TMEM223: variants seen among roughly 807,000 people sequenced by gnomAD.
TMEM223 encodes the protein transmembrane protein 223.
A neutral mutation model predicts 14.1 loss-of-function variants in TMEM223; 14 were observed. The ratio of observed to expected loss-of-function variants is 0.99; its 90% confidence interval spans 0.66 to 1.55. TMEM223 has a LOEUF of 1.55. Among genes scored for constraint, TMEM223 ranks in the 40% most tolerant of loss-of-function variants. The pLI, the probability that TMEM223 is intolerant of heterozygous loss-of-function variation, is 0.00. For missense variants in TMEM223, 346 were observed against 269.9 expected, an observed-to-expected ratio of 1.28 and a Z score of -1.97; for synonymous variants, 145 against 120.5, an observed-to-expected ratio of 1.20 and a Z score of -1.33.
chr11:62,786,920 G>A (rs907890241), downstream of TMEM223: 1 of 1,493,128 alleles, frequency 6.7e-7, no homozygotes, highest in Non-Finnish European at 8.8e-7. Flanking sequence ...AGCCCGCACG[G>A]CGACGAGAGC....
At chr11:62,788,354 G>C (rs1030622874), downstream of TMEM223, among the ~76,000 whole-genome samples, 1 of 152,064 alleles carries the variant, frequency 6.6e-6, no homozygotes, top group Admixed American at 6.6e-5. Flanking sequence ...AGTGAGTCGA[G>C]ATCGTGCCAT....
chr11:62,789,092 C>G, downstream of TMEM223: 1 of 1,614,194 alleles, frequency 6.2e-7, no homozygotes, highest in Non-Finnish European at 8.5e-7. Context: ...GGCCTTATCC[C>G]GTCCCTCAGC....
chr11:62,787,439 T>A (rs1052852623), downstream of TMEM223: 2 of 1,565,512 alleles, frequency 1.3e-6, no homozygotes, highest in African/African-American at 2.7e-5. Flanking sequence ...GCCATGGCGC[T>A]GTCCTGGCTG....
Position 62,779,002 on chromosome 11 carries a change from T to C in TMEM223, c.315-4337A>G, listed in dbSNP as rs142864408. On this transcript the variant is annotated intron_variant, in intron 1 of 2. Transcript: ENST00000528367. ...CCCAAGTTGGGGCACAAAGTTGAAA[T>C]TGTAAATTCTAGACCTGTTTTTTTT... 595 of 1,555,826 alleles carry C rather than the reference T, an allele frequency of 3.8e-4. 2 individuals are homozygous for C. Among genetic ancestry groups the C allele is most frequent in the African/African-American group, 3.6e-3 (266 of 73,524 alleles).
chr11:62,775,553 C>G (rs2084179973), intron 1 of TMEM223: 2 of 514,396 alleles, frequency 3.9e-6, no homozygotes, highest in Non-Finnish European at 6.9e-6. Flanking sequence ...GTTCTGTGAA[C>G]CCCAACACTT....
At chr11:62,779,060 G>A (rs2134708699) in intron 1 of TMEM223, 9 of 1,047,688 alleles carry the variant, frequency 8.6e-6, no homozygotes, top group South Asian at 1.4e-5. Flanking sequence ...CGCTCTTGTT[G>A]CCCAGGCTGG....
chr11:62,778,472 G>A (rs770940890), intron 1 of TMEM223: 37 of 1,031,350 alleles, frequency 3.6e-5, no homozygotes, highest in South Asian at 2.2e-4. Context: ...CTGAGTGGGC[G>A]CTGGGCTCTG....
At position 62,791,953 on chromosome 11, in the gene TMEM223, G is replaced by C. The variant is rs765532603; in HGVS notation, c.42C>G (p.Ala14=). 1.9e-6 allele frequency: 3 copies of C among 1,582,768 alleles called. No individual in the cohort carries two copies. The highest frequency in any genetic ancestry group is 2.6e-6 in the Non-Finnish European group (3 of 1,164,058). Residue 14 remains alanine (A), a synonymous_variant, in exon 1 of 2, where the codon GCC becomes GCG. Transcript: ENST00000307366. ...PWRRWPTGLL[A]VLRPLLTCRP... is the part of the protein sequence containing the mutation. Reference sequence around the variant, plus strand: ...GGCAGGTGAGCAGGGGCCGCAGCACGGCTAGCAGCCCCGTGGGCCATCGCC... The same window carrying C: ...GGCAGGTGAGCAGGGGCCGCAGCACCGCTAGCAGCCCCGTGGGCCATCGCC...
At position 62,773,365 on chromosome 11, in the gene TMEM223, C is replaced by T. The variant is rs559228645; in HGVS notation, c.385+1230G>A. Among the ~76,000 whole-genome samples the T allele has an allele frequency of 5.7e-4, 86 of 151,930 alleles. 1 individual carries two copies. Among genetic ancestry groups the T allele is most frequent in the African/African-American group, 1.8e-3 (75 of 41,416 alleles). On this transcript the variant is annotated intron_variant, in intron 2 of 2. Coordinates refer to the TMEM223 transcript ENST00000528367. The stretch of plus-strand genomic sequence containing the variant: ...GTTTCACCATATTGTCCAGGCTGGT[C>T]TAGAACTCCTGACCTTGTGATCCAC...
intron 1 of TMEM223, chr11:62,778,525 C>T: frequency 8.9e-6 from 6 of 675,500 alleles, no homozygotes; most frequent in Non-Finnish European, 1.5e-5. Context: ...AGACCTGTAA[C>T]TAGTCATAAT....
downstream of TMEM223, chr11:62,789,410 T>C (rs776181636): frequency 6.2e-7 from 1 of 1,613,872 alleles, no homozygotes. Flanking sequence ...CATCATCTCC[T>C]TGAACACTAC....
At chr11:62,786,863 C>G, downstream of TMEM223, 2 of 1,590,052 alleles carry the variant, frequency 1.3e-6, no homozygotes, top group East Asian at 4.5e-5. Context: ...GCGGCAGCCC[C>G]GGACTCGGTG....
chr11:62,787,809 C>G, downstream of TMEM223: 1 of 676,708 alleles, frequency 1.5e-6, no homozygotes, highest in Non-Finnish European at 2.7e-6. Flanking sequence ...GCTGCACAGC[C>G]TTACTGTGGT....
downstream of TMEM223, among the ~76,000 whole-genome samples, chr11:62,785,309 A>C (rs1238852703): frequency 2.0e-5 from 3 of 151,164 alleles, no homozygotes; most frequent in Non-Finnish European, 2.9e-5. Context: ...CTCCTGCTTC[A>C]GCCTCCCGAG....
chr11:62,772,154 T>C lies in TMEM223; in HGVS notation c.386-22A>G, dbSNP rs199632254. The C allele has an allele frequency of 3.5e-5, 16 of 456,242 alleles. No individual in the cohort carries two copies. The East Asian group carries it at 1.1e-3, about 32-fold the overall frequency. 28.3% of individuals were successfully genotyped at this position (456,242 alleles called of 1,614,324 possible). A position where few individuals can be genotyped will look rare whatever the true frequency, so the allele number is the denominator to read the frequency against. On this transcript the variant is annotated intron_variant, in intron 2 of 2. Coordinates refer to the TMEM223 transcript ENST00000528367. ...TTGCCTGTGAAATAGACGAAATACA[T>C]AATAATATCTTATTATTGAGAATAT...
chr11:62,778,266 C>T (rs2084201912), intron 1 of TMEM223: 1 of 1,614,150 alleles, frequency 6.2e-7, no homozygotes, highest in Admixed American at 1.7e-5. Context: ...GCTGACACAT[C>T]TCTCTGCACT....
chr11:62,778,929 G>A (rs1363487583), intron 1 of TMEM223: 3 of 1,613,936 alleles, frequency 1.9e-6, no homozygotes, highest in Non-Finnish European at 2.5e-6. Flanking sequence ...CAGGTGACTC[G>A]TGCTGTGCTA....
Position 62,791,640 on chromosome 11 carries a change from CCCCACGTTGTCACAGTGGGAAGCCAG to C in TMEM223, c.316+13_316+38del, listed in dbSNP as rs1247599318. On this transcript the variant is annotated intron_variant, in intron 1 of 1. Coordinates refer to ENST00000307366, the MANE Select transcript of TMEM223 (RefSeq NM_001080501.3). ...GTATAGGGAAGGTCGTGTCCCGCCACCCCACGTTGTCACAGTGGGAAGCCAGCCCACGTCTTACCGATGGCGCCGCA... is the reference window on the plus strand; with the variant it reads ...GTATAGGGAAGGTCGTGTCCCGCCACCCCACGTCTTACCGATGGCGCCGCA... 5.4e-6 allele frequency: 8 copies of C among 1,487,526 alleles called. No homozygotes were observed. Among genetic ancestry groups the C allele is most frequent in the Non-Finnish European group, 6.3e-6 (7 of 1,118,422 alleles). The allele number at this position is 1,487,526 out of a possible 1,614,324, so 92.1% of individuals were successfully genotyped here. A position where few individuals can be genotyped will look rare whatever the true frequency, so the allele number is the denominator to read the frequency against.
At chr11:62,775,736 G>A in intron 1 of TMEM223, 1 of 1,571,060 alleles carries the variant, frequency 6.4e-7, no homozygotes, top group Non-Finnish European at 8.6e-7. Context: ...CCGGGAGGCT[G>A]GGCAGCTTTT....
Sources: allele counts gnomAD v4.1 joint callset (sites outside exome capture counted in the v4.1 genomes callset), GRCh38; gene constraint gnomAD v4.1.1; transcripts MANE v1.5; gene names NCBI Gene and HGNC (gene_info 2026-07-23, HGNC 2026-07-21).